Variants in CPOX observed in about 807,000 individuals in gnomAD.
CPOX encodes coproporphyrinogen oxidase, also known as oxygen-dependent coproporphyrinogen-III oxidase, mitochondrial.
In CPOX, 24 loss-of-function variants were observed where a neutral mutation model predicts 48.9. That is an observed-to-expected ratio of 0.49 (90% CI 0.36 to 0.69). CPOX has a LOEUF of 0.69. CPOX is among the 30% of genes least tolerant of loss of function. The probability of loss-of-function intolerance (pLI) is 0.00; values close to 1 mark genes in which losing one functional copy is unlikely to be tolerated. For missense variants in CPOX, 549 were observed against 597.3 expected (o/e 0.92, Z 0.84); for synonymous variants, 249 against 234.6 (o/e 1.06, Z -0.56).
At chr3:98,573,096 C>T in the CPOX span, among the ~76,000 whole-genome samples, 2 of 152,192 alleles carry the variant, frequency 1.3e-5, no homozygotes, top group African/African-American at 4.8e-5. Flanking sequence ...GAATAGTCCT[C>T]AATCTTTTTA....
intron 1 of CPOX, among the ~76,000 whole-genome samples, chr3:98,592,244 C>T (rs893290643): frequency 6.6e-6 from 1 of 152,060 alleles, no homozygotes; most frequent in Non-Finnish European, 1.5e-5. Flanking sequence ...GTTGTATTTC[C>T]AGCTAGGAAA....
intron 4 of CPOX, among the ~76,000 whole-genome samples, chr3:98,587,541 G>T (rs537156922): frequency 1.3e-5 from 2 of 149,742 alleles, no homozygotes; most frequent in African/African-American, 4.9e-5. Flanking sequence ...ACATCACATG[G>T]TGGGGGGCTG....
At chr3:98,590,511 T>C in intron 3 of CPOX, 121 bp downstream of exon 3, 1 of 765,188 alleles carries the variant, frequency 1.3e-6, no homozygotes. Flanking sequence ...TGCCTTTACA[T>C]TGCCTCCTGA....
chr3:98,584,306 A>C (rs1707315731), intron 5 of CPOX, among the ~76,000 whole-genome samples: 1 of 152,174 alleles, frequency 6.6e-6, no homozygotes, highest in Non-Finnish European at 1.5e-5. Context: ...GTGCCTCATC[A>C]CAGGGGCCCC....
chr3:98,579,757 G>T lies in CPOX; in HGVS notation c.*926C>A. Reference sequence around the variant, plus strand: ...CAATGTGTCCATTTTCCTAAGAAACGTGTGTATGAAATGCCTCCAAGTTTC... The same window carrying T: ...CAATGTGTCCATTTTCCTAAGAAACTTGTGTATGAAATGCCTCCAAGTTTC... On this transcript the variant is annotated 3_prime_UTR_variant, in exon 7 of 7. Transcript: ENST00000647941. 1.0e-6 allele frequency: 1 copy of T among 984,658 alleles called. No homozygotes were observed. Among genetic ancestry groups the T allele is most frequent in the Non-Finnish European group, 1.2e-6 (1 of 828,920 alleles). The allele number at this position is 984,658 out of a possible 1,614,324, so 61.0% of individuals were successfully genotyped here.
intron 3 of CPOX, 198 bp downstream of exon 3, chr3:98,590,434 C>A (rs530986828): frequency 1.6e-4 from 101 of 621,448 alleles, no homozygotes; most frequent in African/African-American, 1.5e-3. Context: ...CAGGTATGAG[C>A]CACCAAGCCT....
In CPOX at chr3:98,581,477, T is replaced by A. The variant is rs755879509; in HGVS notation, c.1207A>T (p.Thr403Ser). The change falls in exon 6 of 7, where the codon ACA becomes TCA. Residue 403 changes from threonine to serine, a missense_variant. Thr to Ser is a moderately conservative substitution (Grantham distance 58, BLOSUM62 1). Around this residue, in one of 2 missense-constraint regions of CPOX, gnomAD observed 213 missense variants for 279.1 expected, o/e 0.76. Coordinates refer to ENST00000647941, the MANE Select transcript of CPOX (RefSeq NM_000097.7). ...VEFNLLYDRGTKFGLFTPGSR... is the reference protein window; with the variant it reads ...VEFNLLYDRGSKFGLFTPGSR... ...CCTGGAGTGAAGAGGCCAAACTTTG[T>A]GCCCCGATCATACAGCAGATTAAAT... 1 of 1,614,028 alleles carries A rather than the reference T, an allele frequency of 6.2e-7. No homozygotes were observed. The highest frequency in any genetic ancestry group is 1.1e-5 in the South Asian group (1 of 91,084).
In CPOX at chr3:98,593,588, C is replaced by T. The variant is rs1707536024; in HGVS notation, c.-84G>A. ...CCACCCAGACCCCCGGAGTATTGAG[C>T]CGGCGAGCTGCACAGGCGGAAAGAA... On this transcript the variant is annotated 5_prime_UTR_variant, in exon 1 of 7. Transcript: ENST00000647941. 2 of 1,374,774 alleles carry T rather than the reference C, an allele frequency of 1.5e-6. No homozygotes were observed. The highest frequency in any genetic ancestry group is 1.9e-6 in the Non-Finnish European group (2 of 1,027,462). The allele number at this position is 1,374,774 out of a possible 1,614,324, so 85.2% of individuals were successfully genotyped here.
At chr3:98,591,578 G>A (rs1049780654) in intron 1 of CPOX, among the ~76,000 whole-genome samples, 3 of 152,144 alleles carry the variant, frequency 2.0e-5, no homozygotes, top group Non-Finnish European at 4.4e-5. Context: ...TTCTCAGTGG[G>A]CTGCTTGCCT....
At chr3:98,571,427 G>A in the CPOX span, among the ~76,000 whole-genome samples, 1 of 152,056 alleles carries the variant, frequency 6.6e-6, no homozygotes, top group South Asian at 2.1e-4. Context: ...GGTGGCTCAC[G>A]CCTGTAATCC....
downstream of CPOX, among the ~76,000 whole-genome samples, chr3:98,577,326 T>C (rs774877739): frequency 6.6e-6 from 1 of 152,042 alleles, no homozygotes; most frequent in Non-Finnish European, 1.5e-5. Context: ...TTCAGCAGGG[T>C]GGTGATAATG....
At chr3:98,586,328 T>C (rs1262927476) in intron 4 of CPOX, among the ~76,000 whole-genome samples, 1 of 152,164 alleles carries the variant, frequency 6.6e-6, no homozygotes, top group Non-Finnish European at 1.5e-5. Flanking sequence ...GCTGCTTTTG[T>C]AGGAGGCAGG....
chr3:98,587,697 G>C (rs1277712510), intron 4 of CPOX, among the ~76,000 whole-genome samples: 8 of 151,690 alleles, frequency 5.3e-5, no homozygotes, highest in Non-Finnish European at 1.2e-4. Flanking sequence ...CTGCCAGATT[G>C]GGGGTTAAAT....
Position 98,580,292 on chromosome 3 carries a change from TATA to T in CPOX, c.*388_*390del. ...CTTCACTGAATTAATGAAAATAAAA[TATA>T]TTCCACGACAGATTTTTGTGGCACA... is the stretch of plus-strand genomic sequence containing the variant. On this transcript the variant is annotated 3_prime_UTR_variant, in exon 7 of 7. Coordinates refer to ENST00000647941, the MANE Select transcript of CPOX (RefSeq NM_000097.7). 9.9e-7 allele frequency: 1 copy of T among 1,006,434 alleles called. No individual in the cohort carries two copies. The allele number at this position is 1,006,434 out of a possible 1,614,324, so 62.3% of individuals were successfully genotyped here. A position where few individuals can be genotyped will look rare whatever the true frequency, so the allele number is the denominator to read the frequency against.
chr3:98,576,840 C>A (rs72924716), downstream of CPOX, among the ~76,000 whole-genome samples: 2 of 151,932 alleles, frequency 1.3e-5, no homozygotes, highest in Non-Finnish European at 2.9e-5. Context: ...CTTGATACTA[C>A]GATATATTGC....
the CPOX span, among the ~76,000 whole-genome samples, chr3:98,571,284 TTC>T: frequency 1.3e-5 from 2 of 152,358 alleles, no homozygotes; most frequent in Non-Finnish European, 2.9e-5. Context: ...GCCTGCTAAT[TTC>T]TCTTTTTCCT....
Position 98,580,277 on chromosome 3 carries a change from T to C in CPOX, c.*406A>G, listed in dbSNP as rs1040229903. The C allele has an allele frequency of 9.0e-6, 9 of 1,002,822 alleles. No individual in the cohort carries two copies. Among genetic ancestry groups the C allele is most frequent in the Non-Finnish European group, 9.5e-6 (8 of 840,260 alleles). 62.1% of individuals were successfully genotyped at this position (1,002,822 alleles called of 1,614,324 possible). ...ACTATGAAGTCTCAACTTCACTGAA[T>C]TAATGAAAATAAAATATATTCCACG... On this transcript the variant is annotated 3_prime_UTR_variant, in exon 7 of 7. Coordinates refer to ENST00000647941, the MANE Select transcript of CPOX (RefSeq NM_000097.7).
rs1707505703 is a variant in CPOX at position 98,592,832 on chromosome 3, G to A, written c.556+117C>T. On this transcript the variant is annotated intron_variant, in intron 1 of 6. Transcript: ENST00000647941. Reference sequence around the variant, plus strand: ...CGGCCTCTAACCAAGCGGCCTCTCTGTGGGTACCCCCTACCTACCCCATCC... The same window carrying A: ...CGGCCTCTAACCAAGCGGCCTCTCTATGGGTACCCCCTACCTACCCCATCC... The A allele has an allele frequency of 9.5e-6, 11 of 1,160,164 alleles. No homozygotes were observed. In the South Asian group the frequency reaches 1.5e-4, roughly 15 times the overall value. The allele number at this position is 1,160,164 out of a possible 1,614,324, so 71.9% of individuals were successfully genotyped here. A position where few individuals can be genotyped will look rare whatever the true frequency, so the allele number is the denominator to read the frequency against.
chr3:98,586,159 A>T (rs1329129848), intron 4 of CPOX, among the ~76,000 whole-genome samples: 1 of 152,166 alleles, frequency 6.6e-6, no homozygotes, highest in Non-Finnish European at 1.5e-5. Context: ...GGCGTGAGCC[A>T]CCATGCCTGG....
Sources: allele counts gnomAD v4.1 joint callset (sites outside exome capture counted in the v4.1 genomes callset), GRCh38; gene constraint gnomAD v4.1.1; regional missense constraint gnomAD v4.1.1; transcripts MANE v1.5; gene names NCBI Gene and HGNC (gene_info 2026-07-23, HGNC 2026-07-21).